Variants in ANKRD44 observed in about 807,000 individuals in gnomAD.
ANKRD44 encodes the protein ankyrin repeat domain 44, also known as serine/threonine-protein phosphatase 6 regulatory ankyrin repeat subunit B.
Under a neutral mutation model 116.0 loss-of-function variants are expected in ANKRD44, and 35 were observed. The observed-to-expected ratio is 0.30, with a 90% CI of 0.23 to 0.40. The LOEUF (loss-of-function observed/expected upper bound fraction) is 0.40. Ranked by LOEUF, ANKRD44 falls within the 10% of genes least tolerant of loss-of-function variation. ANKRD44 has a pLI of 1.00. For missense variants in ANKRD44, 1,014 were observed against 1,242.6 expected, an observed-to-expected ratio of 0.82 and a Z score of 2.77; for synonymous variants, 435 against 461.8, an observed-to-expected ratio of 0.94 and a Z score of 0.74.
chr2:197,273,989 A>ATCTATC lies in ANKRD44; in HGVS notation c.27+36588_27+36589insGATAGA, dbSNP rs1559208433. 8.0e-4 allele frequency among the ~76,000 whole-genome samples: 18 copies of ATCTATC among 22,578 alleles called. 5 individuals are homozygous for ATCTATC. In the East Asian group the frequency reaches 0.018, roughly 22 times the overall value. 14.8% of individuals were successfully genotyped at this position (22,578 alleles called of 152,430 possible). On this transcript the variant is annotated intron_variant, in intron 1 of 27. Coordinates refer to ENST00000282272, the MANE Select transcript of ANKRD44 (RefSeq NM_001195144.2). ...AAAAAAAAAAAAAAAAAATATATATATATATATATATATATATATATATAT... is the reference window on the plus strand; with the variant it reads ...AAAAAAAAAAAAAAAAAATATATATATCTATCTATATATATATATATATATATATAT...
chr2:197,021,701 G>A (rs2076501246), intron 17 of ANKRD44, among the ~76,000 whole-genome samples: 1 of 152,162 alleles, frequency 6.6e-6, no homozygotes, highest in African/African-American at 2.4e-5. Flanking sequence ...CAAACCAAAT[G>A]TTAAGTAAGT....
chr2:197,108,926 A>G (rs2078501404), intron 9 of ANKRD44, among the ~76,000 whole-genome samples: 1 of 152,230 alleles, frequency 6.6e-6, no homozygotes, highest in African/African-American at 2.4e-5. Flanking sequence ...AGGACATGGA[A>G]TTCTTCCAGC....
intron 16 of ANKRD44, among the ~76,000 whole-genome samples, chr2:197,063,649 G>A (rs1255703926): frequency 1.3e-5 from 2 of 152,228 alleles, no homozygotes; most frequent in Non-Finnish European, 2.9e-5. Flanking sequence ...AGAACTACGT[G>A]ATGAATGCAC....
At chr2:197,057,724 G>A (rs901237437) in intron 16 of ANKRD44, among the ~76,000 whole-genome samples, 3 of 152,172 alleles carry the variant, frequency 2.0e-5, no homozygotes, top group Admixed American at 6.5e-5. Flanking sequence ...CAGGCATGGC[G>A]GCACATGCCT....
chr2:197,298,909 C>G (rs910094540), intron 1 of ANKRD44, among the ~76,000 whole-genome samples: 2 of 147,584 alleles, frequency 1.4e-5, no homozygotes, highest in African/African-American at 5.3e-5. Context: ...AGAGTGAGAT[C>G]CTGTTTCAAA....
At chr2:197,032,638 T>C (rs946563440) in intron 16 of ANKRD44, among the ~76,000 whole-genome samples, 4 of 152,158 alleles carry the variant, frequency 2.6e-5, no homozygotes, top group African/African-American at 9.7e-5. Context: ...TCCACCCACC[T>C]TGGCATCCCA....
intron 16 of ANKRD44, among the ~76,000 whole-genome samples, chr2:197,049,993 A>C (rs774236638): frequency 1.3e-5 from 2 of 152,178 alleles, no homozygotes; most frequent in Non-Finnish European, 2.9e-5. Context: ...GTAATTTATA[A>C]AGAAAATGGC....
intron 21 of ANKRD44, among the ~76,000 whole-genome samples, chr2:196,972,422 G>A (rs550925496): frequency 5.9e-5 from 9 of 152,174 alleles, no homozygotes; most frequent in South Asian, 2.1e-4. Flanking sequence ...GGCTGGTCTC[G>A]AACTCCTGGC....
chr2:196,972,553 GT>G (rs2075723085), intron 21 of ANKRD44, among the ~76,000 whole-genome samples: 2 of 152,284 alleles, frequency 1.3e-5, no homozygotes, highest in South Asian at 4.1e-4. Context: ...ATGAAGGGAT[GT>G]TTGTCAAAAT....
At chr2:197,283,877 T>C (rs1042960350) in intron 1 of ANKRD44, among the ~76,000 whole-genome samples, 5 of 152,200 alleles carry the variant, frequency 3.3e-5, no homozygotes, top group Non-Finnish European at 5.9e-5. Flanking sequence ...GGTTTGAATT[T>C]TGGTATGGAA....
intron 1 of ANKRD44, chr2:197,302,515 C>A (rs1262560785): frequency 6.6e-6 from 1 of 152,148 alleles, no homozygotes; most frequent in Non-Finnish European, 1.5e-5. Context: ...TTCTCTTTCC[C>A]AAACTCCAAC....
chr2:197,034,723 A>T (rs2076777846), intron 16 of ANKRD44, among the ~76,000 whole-genome samples: 1 of 151,762 alleles, frequency 6.6e-6, no homozygotes, highest in Non-Finnish European at 1.5e-5. Context: ...ACCAACCACC[A>T]TGTGTTTGCC....
chr2:197,063,931 A>C (rs1402872342), intron 16 of ANKRD44, among the ~76,000 whole-genome samples: 1 of 152,178 alleles, frequency 6.6e-6, no homozygotes, highest in East Asian at 1.9e-4. Flanking sequence ...CCAACATTCA[A>C]ATTCAGGAAA....
downstream of ANKRD44, among the ~76,000 whole-genome samples, chr2:196,985,516 C>T (rs909217641): frequency 6.6e-6 from 1 of 152,112 alleles, no homozygotes; most frequent in African/African-American, 2.4e-5. Flanking sequence ...CAAAACCTCC[C>T]TTAACATTTC....
intron 1 of ANKRD44, among the ~76,000 whole-genome samples, chr2:197,228,466 C>T (rs528115836): frequency 2.0e-5 from 3 of 152,314 alleles, no homozygotes; most frequent in African/African-American, 7.2e-5. Context: ...TTCCTTTTGA[C>T]CTGGTCCAAT....
intron 2 of ANKRD44, among the ~76,000 whole-genome samples, chr2:197,168,708 C>T (rs2080157912): frequency 6.6e-6 from 1 of 152,178 alleles, no homozygotes; most frequent in African/African-American, 2.4e-5. Flanking sequence ...TTCCTTGCCC[C>T]TCACATTGAA....
At chr2:197,111,198 C>T (rs2078556774) in intron 8 of ANKRD44, among the ~76,000 whole-genome samples, 1 of 152,120 alleles carries the variant, frequency 6.6e-6, no homozygotes, top group Non-Finnish European at 1.5e-5. Flanking sequence ...AACCTTTATT[C>T]CTCTCCTGTG....
intron 2 of ANKRD44, among the ~76,000 whole-genome samples, chr2:197,164,556 G>C (rs564861221): frequency 1.3e-5 from 2 of 152,300 alleles, no homozygotes; most frequent in Admixed American, 6.5e-5. Flanking sequence ...GGCCGGCTTC[G>C]CGGCCGCTCG....
At chr2:197,126,102 G>A (rs2078969034) in intron 4 of ANKRD44, 65 bp from the exon 5 acceptor site, 1 of 1,532,010 alleles carries the variant, frequency 6.5e-7, no homozygotes, top group Admixed American at 1.7e-5. Flanking sequence ...ACTGGTGTAA[G>A]ATGCTTCACC....
Sources: allele counts gnomAD v4.1 joint callset (sites outside exome capture counted in the v4.1 genomes callset), GRCh38; gene constraint gnomAD v4.1.1; transcripts MANE v1.5; gene names NCBI Gene and HGNC (gene_info 2026-07-23, HGNC 2026-07-21).